CHODL: variants seen among roughly 807,000 people sequenced by gnomAD.
The protein encoded by CHODL is chondrolectin, also known as transmembrane protein MT75.
Under a neutral mutation model 34.5 loss-of-function variants are expected in CHODL, and 29 were observed. The observed-to-expected ratio is 0.84, with a 90% CI of 0.63 to 1.15. The LOEUF (loss-of-function observed/expected upper bound fraction) is 1.15. CHODL is among the 50% of genes most tolerant of loss of function. The probability of loss-of-function intolerance (pLI) is 0.00; values close to 1 mark genes in which losing one functional copy is unlikely to be tolerated. For synonymous variants in CHODL, 125 were observed against 116.1 expected (o/e 1.08, Z -0.49); for missense variants, 332 against 332.5 (o/e 1.00, Z 0.01).
At chr21:18,034,589 T>C (rs1486590029) in intron 2 of CHODL, 1 of 152,094 alleles carries the variant, frequency 6.6e-6, no homozygotes, top group East Asian at 1.9e-4. Context: ...AATATATTTG[T>C]ATTAGCGTGG....
intron 2 of CHODL, among the ~76,000 whole-genome samples, chr21:18,117,849 T>C (rs1253749906): frequency 1.4e-4 from 21 of 152,194 alleles, no homozygotes; most frequent in Admixed American, 1.4e-3. Flanking sequence ...GCTATTAAAT[T>C]AGCTTTAAGC....
At chr21:18,085,346 T>C (rs1306320963) in intron 2 of CHODL, among the ~76,000 whole-genome samples, 10 of 152,204 alleles carry the variant, frequency 6.6e-5, no homozygotes, top group Non-Finnish European at 1.5e-4. Context: ...TAAAGTTGTT[T>C]TATAAATTCA....
At chr21:18,227,196 A>C (rs1157300063) in intron 2 of CHODL, among the ~76,000 whole-genome samples, 3 of 152,156 alleles carry the variant, frequency 2.0e-5, no homozygotes, top group Non-Finnish European at 4.4e-5. Context: ...AATCACCTCC[A>C]AAAAGGCCTC....
chr21:18,058,525 G>A (rs1172956462), intron 2 of CHODL, among the ~76,000 whole-genome samples: 2 of 152,082 alleles, frequency 1.3e-5, no homozygotes, highest in African/African-American at 2.4e-5. Flanking sequence ...ATGAAATCCT[G>A]TCATTCATGG....
chr21:18,134,411 A>T (rs1246444460), intron 2 of CHODL: 2 of 505,964 alleles, frequency 4.0e-6, no homozygotes, highest in Non-Finnish European at 7.9e-6. Flanking sequence ...TTGTAGGTGG[A>T]TCTCTAAGTT....
At chr21:18,257,797 A>T (rs2146815297) in intron 3 of CHODL, among the ~76,000 whole-genome samples, 1 of 152,310 alleles carries the variant, frequency 6.6e-6, no homozygotes, top group South Asian at 2.1e-4. Context: ...TGGGTTCTGG[A>T]TTTAAAAAAT....
At chr21:18,126,194 A>G (rs926799996) in intron 2 of CHODL, among the ~76,000 whole-genome samples, 35 of 152,068 alleles carry the variant, frequency 2.3e-4, no homozygotes, top group African/African-American at 8.2e-4. Context: ...AGCAACCACC[A>G]CTCTGATTAG....
chr21:17,950,939 A>G (rs1049333106), intron 1 of CHODL, among the ~76,000 whole-genome samples: 1 of 152,060 alleles, frequency 6.6e-6, no homozygotes, highest in Non-Finnish European at 1.5e-5. Flanking sequence ...TTGCAACCTC[A>G]CAGTCACAAA....
intron 1 of CHODL, among the ~76,000 whole-genome samples, chr21:18,020,867 G>T (rs2064121761): frequency 6.6e-6 from 1 of 152,180 alleles, no homozygotes; most frequent in Non-Finnish European, 1.5e-5. Flanking sequence ...CATTTTGGGA[G>T]GCTGAGATGG....
chr21:18,151,603 G>T (rs544096463), intron 2 of CHODL, among the ~76,000 whole-genome samples: 1 of 152,286 alleles, frequency 6.6e-6, no homozygotes, highest in African/African-American at 2.4e-5. Flanking sequence ...TAAAATGGTC[G>T]ATCAGAAGTT....
At chr21:18,109,567 G>A (rs1388503259) in intron 2 of CHODL, among the ~76,000 whole-genome samples, 1 of 152,130 alleles carries the variant, frequency 6.6e-6, no homozygotes, top group African/African-American at 2.4e-5. Context: ...CAAGACTTCA[G>A]CTGTAGTCCT....
chr21:18,054,761 A>C (rs1195846980), intron 2 of CHODL, among the ~76,000 whole-genome samples: 1 of 152,028 alleles, frequency 6.6e-6, no homozygotes, highest in Non-Finnish European at 1.5e-5. Flanking sequence ...TGATCTAATC[A>C]TTCCACTATG....
chr21:18,113,599 T>C (rs1480526416), intron 2 of CHODL, among the ~76,000 whole-genome samples: 1 of 152,158 alleles, frequency 6.6e-6, no homozygotes, highest in East Asian at 1.9e-4. Context: ...GCTACTGCTA[T>C]ACACACTTTT....
chr21:17,918,500 T>A (rs1371531728), intron 1 of CHODL, among the ~76,000 whole-genome samples: 1 of 151,530 alleles, frequency 6.6e-6, no homozygotes, highest in Non-Finnish European at 1.5e-5. Flanking sequence ...GTAGGGAAAC[T>A]CCCATTTTTA....
chr21:18,109,486 G>A (rs1219836639), intron 2 of CHODL, among the ~76,000 whole-genome samples: 1 of 152,184 alleles, frequency 6.6e-6, no homozygotes, highest in Non-Finnish European at 1.5e-5. Flanking sequence ...GAGGGCAGCT[G>A]TGGCAATGGC....
rs535621328 is a variant in CHODL at position 18,178,866 on chromosome 21, G to A, written c.-44-77643G>A. 7.2e-5 allele frequency among the ~76,000 whole-genome samples: 11 copies of A among 152,266 alleles called. 1 individual carries two copies. In the East Asian group the frequency reaches 1.7e-3, roughly 24 times the overall value. On this transcript the variant is annotated intron_variant, in intron 2 of 6. Coordinates refer to the CHODL transcript ENST00000400127. Reference sequence around the variant, plus strand: ...AGAGTTTAGTCATGTATGTTAGAAAGTGTTGTGGTTATCAATTGTTTTTGT... The same window carrying A: ...AGAGTTTAGTCATGTATGTTAGAAAATGTTGTGGTTATCAATTGTTTTTGT...
chr21:18,228,196 G>A (rs1355757717), intron 2 of CHODL, among the ~76,000 whole-genome samples: 1 of 152,068 alleles, frequency 6.6e-6, no homozygotes, highest in African/African-American at 2.4e-5. Context: ...TGCTGCCAAT[G>A]GTTTAATTTT....
rs1568870068 is a variant in CHODL, at chr21:18,070,007, C to CCCTTCCCTTCCCTTA, written c.-45+42050_-45+42051insACCTTCCCTTCCCTT. On this transcript the variant is annotated intron_variant, in intron 2 of 6. Transcript: ENST00000400127. ...TCTTTCCCTTCCCTTCCCTTCCCTT[C>CCCTTCCCTTCCCTTA]CCTTCCCTTCCCTTCCCTCCCCCCC... Among the ~76,000 whole-genome samples the CCCTTCCCTTCCCTTA allele has an allele frequency of 7.3e-4, 52 of 70,812 alleles. 1 individual carries two copies. Among genetic ancestry groups the CCCTTCCCTTCCCTTA allele is most frequent in the Non-Finnish European group, 1.5e-3 (41 of 28,010 alleles). 46.5% of individuals were successfully genotyped at this position (70,812 alleles called of 152,430 possible).
intron 2 of CHODL, among the ~76,000 whole-genome samples, chr21:18,225,063 T>A (rs746618148): frequency 6.6e-6 from 1 of 152,168 alleles, no homozygotes; most frequent in African/African-American, 2.4e-5. Context: ...TTATAATTCA[T>A]AAGAAAGTTT....
Sources: gnomAD v4.1 joint callset for allele counts (sites outside exome capture counted in the v4.1 genomes callset) on GRCh38, gnomAD v4.1.1 for gene constraint, MANE v1.5 for transcripts, NCBI Gene and HGNC (gene_info 2026-07-23, HGNC 2026-07-21) for gene names.